Variants in HPSE2 observed in about 807,000 individuals in gnomAD.
HPSE2 encodes the protein inactive heparanase-2.
A neutral mutation model predicts 60.5 loss-of-function variants in HPSE2; 38 were observed. The ratio of observed to expected loss-of-function variants is 0.63; its 90% confidence interval spans 0.48 to 0.82. The LOEUF (loss-of-function observed/expected upper bound fraction) is 0.82, where lower values mean the gene tolerates loss of function less well. HPSE2 is among the 40% of genes least tolerant of loss of function. HPSE2 has a pLI of 0.00. For missense variants in HPSE2, 713 were observed against 740.4 expected (o/e 0.96, Z 0.43); for synonymous variants, 295 against 293.2 (o/e 1.01, Z -0.06).
At chr10:98,877,815 C>A (rs1952918294) in intron 3 of HPSE2, among the ~76,000 whole-genome samples, 1 of 151,862 alleles carries the variant, frequency 6.6e-6, no homozygotes, top group African/African-American at 2.4e-5. Flanking sequence ...ACGTTCAGGG[C>A]AGGTTTCATG....
At chr10:98,609,319 C>T (rs1945683365) in intron 9 of HPSE2, among the ~76,000 whole-genome samples, 1 of 152,220 alleles carries the variant, frequency 6.6e-6, no homozygotes, top group South Asian at 2.1e-4. Context: ...AGCATAGTAT[C>T]TAGCACATAG....
chr10:98,672,283 A>T (rs1947526196), intron 6 of HPSE2, among the ~76,000 whole-genome samples: 1 of 152,188 alleles, frequency 6.6e-6, no homozygotes, highest in Admixed American at 6.6e-5. Context: ...GCAGAAAACC[A>T]CAGTTATGCT....
intron 3 of HPSE2, among the ~76,000 whole-genome samples, chr10:98,816,282 GT>G (rs1007047023): frequency 2.0e-5 from 3 of 151,758 alleles, no homozygotes; most frequent in African/African-American, 7.3e-5. Flanking sequence ...TTTGTTTTTT[GT>G]TTTTTTACAG....
At chr10:99,146,282 C>A (rs947902770) in intron 2 of HPSE2, among the ~76,000 whole-genome samples, 1 of 152,174 alleles carries the variant, frequency 6.6e-6, no homozygotes, top group East Asian at 1.9e-4. Flanking sequence ...ACCCTAAACA[C>A]AATCCCTTCT....
intron 3 of HPSE2, among the ~76,000 whole-genome samples, chr10:99,019,033 C>T (rs886546740): frequency 2.6e-5 from 4 of 152,170 alleles, no homozygotes; most frequent in South Asian, 2.1e-4. Context: ...AGAGTAAAGC[C>T]GGCTGCGTTT....
intron 3 of HPSE2, among the ~76,000 whole-genome samples, chr10:98,825,649 AC>A (rs1951528441): frequency 6.6e-6 from 1 of 151,656 alleles, no homozygotes; most frequent in Non-Finnish European, 1.5e-5. Flanking sequence ...GGGGAGTGAA[AC>A]CTAATTGGTG....
At chr10:98,601,527 A>G (rs1945425902) in intron 9 of HPSE2, among the ~76,000 whole-genome samples, 1 of 152,178 alleles carries the variant, frequency 6.6e-6, no homozygotes, top group Admixed American at 6.5e-5. Context: ...TTATCTCTGC[A>G]TGTTCTTGAT....
rs148259458 is a variant in HPSE2, at chr10:99,175,689, C to T, written c.449-31290G>A. 5.2e-3 allele frequency among the ~76,000 whole-genome samples: 791 copies of T among 152,302 alleles called. 9 individuals carry two copies. Among genetic ancestry groups the T allele is most frequent in the African/African-American group, 0.018 (754 of 41,558 alleles). ...ACCTGGGAGAAGGGGCAGCTGCAGGCGCAGCTTCAGCAGACTTAAACGTTC... is the reference window on the plus strand; with the variant it reads ...ACCTGGGAGAAGGGGCAGCTGCAGGTGCAGCTTCAGCAGACTTAAACGTTC... On this transcript the variant is annotated intron_variant, in intron 2 of 11. Coordinates refer to ENST00000370552, the MANE Select transcript of HPSE2 (RefSeq NM_021828.5).
upstream of HPSE2, among the ~76,000 whole-genome samples, chr10:99,236,968 T>A (rs1849873418): frequency 6.6e-6 from 1 of 152,094 alleles, no homozygotes; most frequent in Admixed American, 6.5e-5. Flanking sequence ...GGGACCATAG[T>A]GACACTTTCG....
chr10:98,548,432 C>A (rs1213884565), intron 9 of HPSE2, among the ~76,000 whole-genome samples: 1 of 152,052 alleles, frequency 6.6e-6, no homozygotes, highest in Non-Finnish European at 1.5e-5. Context: ...GTGTGGCCAA[C>A]ATAGTGAAAC....
At chr10:98,667,996 C>T (rs1224060385) in intron 6 of HPSE2, among the ~76,000 whole-genome samples, 1 of 152,100 alleles carries the variant, frequency 6.6e-6, no homozygotes, top group Admixed American at 6.6e-5. Flanking sequence ...ACCTATTTCT[C>T]TTTGCTGATG....
intron 3 of HPSE2, among the ~76,000 whole-genome samples, chr10:98,802,781 A>G (rs1211371647): frequency 1.4e-5 from 2 of 141,578 alleles, no homozygotes; most frequent in East Asian, 4.1e-4. Flanking sequence ...CAATAAACAT[A>G]CGTGTGCATG....
intron 3 of HPSE2, among the ~76,000 whole-genome samples, chr10:98,899,788 G>A (rs1309450202): frequency 1.9e-5 from 2 of 108,038 alleles, no homozygotes; most frequent in Non-Finnish European, 1.9e-5. Flanking sequence ...TTTGAGTTTC[G>A]TTTGTTTGTT....
At position 98,903,830 on chromosome 10, in the gene HPSE2, C is replaced by T. The variant is rs557089845; in HGVS notation, c.611-159774G>A. 2.6e-5 allele frequency among the ~76,000 whole-genome samples: 4 copies of T among 151,944 alleles called. No homozygotes were observed. The South Asian group carries it at 6.2e-4, about 24-fold the overall frequency. ...AGTAAGGGAGACAGATGTATAAACA[C>T]ACAGTAATATATCAATTAAGATGTA... is the stretch of plus-strand genomic sequence containing the variant. On this transcript the variant is annotated intron_variant, in intron 3 of 11. Coordinates refer to ENST00000370552, the MANE Select transcript of HPSE2 (RefSeq NM_021828.5).
the HPSE2 span, among the ~76,000 whole-genome samples, chr10:99,272,669 A>T: frequency 3.3e-5 from 5 of 152,180 alleles, no homozygotes; most frequent in Non-Finnish European, 7.3e-5. Flanking sequence ...CATATGAAAA[A>T]TTGCTCAACA....
At chr10:98,479,042 C>G (rs1941133175) in intron 11 of HPSE2, among the ~76,000 whole-genome samples, 1 of 152,160 alleles carries the variant, frequency 6.6e-6, no homozygotes, top group Non-Finnish European at 1.5e-5. Flanking sequence ...CTTGACATAC[C>G]TTAGCTCTGA....
intron 3 of HPSE2, among the ~76,000 whole-genome samples, chr10:98,816,908 ATG>A (rs942629423): frequency 2.0e-5 from 3 of 152,098 alleles, no homozygotes; most frequent in African/African-American, 7.2e-5. Context: ...AACATAGTTT[ATG>A]TCAGAAGCAG....
chr10:98,656,021 C>A (rs1013312539), intron 6 of HPSE2, among the ~76,000 whole-genome samples: 11 of 151,418 alleles, frequency 7.3e-5, no homozygotes, highest in African/African-American at 2.7e-4. Flanking sequence ...TAAAATCCAA[C>A]ATGTGAGAAA....
intron 9 of HPSE2, among the ~76,000 whole-genome samples, chr10:98,515,060 T>C (rs1335653276): frequency 1.3e-5 from 2 of 152,148 alleles, no homozygotes; most frequent in African/African-American, 4.8e-5. Flanking sequence ...CTGGTCTCCC[T>C]TGAGGCAAGC....
Sources: allele counts gnomAD v4.1 joint callset (sites outside exome capture counted in the v4.1 genomes callset), GRCh38; gene constraint gnomAD v4.1.1; transcripts MANE v1.5; gene names NCBI Gene and HGNC (gene_info 2026-07-23, HGNC 2026-07-21).